Variants in IMP4 observed in about 807,000 individuals in gnomAD.
The protein encoded by IMP4 is IMP U3 small nucleolar ribonucleoprotein 4.
In IMP4, 30 loss-of-function variants were observed where a neutral mutation model predicts 42.7. The ratio of observed to expected loss-of-function variants is 0.70; its 90% confidence interval spans 0.53 to 0.95. IMP4 has a LOEUF of 0.95. IMP4 is among the 40% of genes least tolerant of loss of function. IMP4 has a pLI of 0.00. For missense variants in IMP4, 382 were observed against 411.4 expected (o/e 0.93, Z 0.62); for synonymous variants, 165 against 165.2 (o/e 1.00, Z 0.01).
chr2:130,343,460 A>G (rs1679218601), intron 2 of IMP4: 10 of 637,052 alleles, frequency 1.6e-5, no homozygotes, highest in Non-Finnish European at 3.0e-5. Flanking sequence ...TCCTGTAGAA[A>G]TTCTCTTTAG....
Position 130,346,998 on chromosome 2 carries a change from G to T in IMP4, c.*530G>T. 6.3e-6 allele frequency: 1 copy of T among 158,736 alleles called. No homozygotes were observed. Among genetic ancestry groups the T allele is most frequent in the South Asian group, 1.8e-4 (1 of 5,630 alleles). The allele number at this position is 158,736 out of a possible 1,614,324, so 9.8% of individuals were successfully genotyped here. On this transcript the variant is annotated 3_prime_UTR_variant, in exon 9 of 9. Coordinates refer to ENST00000259239, the MANE Select transcript of IMP4 (RefSeq NM_033416.3). ...ATTTCTATTAACATAATGTTCTCCA[G>T]GTTCCTCCATGTTATTGCAAATGAT...
intron 2 of IMP4, among the ~76,000 whole-genome samples, chr2:130,343,530 G>C (rs778092916): frequency 1.3e-5 from 2 of 151,996 alleles, no homozygotes; most frequent in Non-Finnish European, 2.9e-5. Flanking sequence ...CGGATCATGA[G>C]GTCAGGAGTT....
chr2:130,345,236 C>T lies in IMP4; in HGVS notation c.197-140C>T. 1.5e-6 allele frequency: 1 copy of T among 668,548 alleles called. No individual in the cohort carries two copies. The highest frequency in any genetic ancestry group is 2.7e-6 in the Non-Finnish European group (1 of 368,980). The allele number at this position is 668,548 out of a possible 1,614,324, so 41.4% of individuals were successfully genotyped here. Reference sequence around the variant, plus strand: ...AGCAGCCAGAGTAGTTGGAGGCTGCCCTCTTGCCCGGTGTGCATGTGGAGC... The same window carrying T: ...AGCAGCCAGAGTAGTTGGAGGCTGCTCTCTTGCCCGGTGTGCATGTGGAGC... On this transcript the variant is annotated intron_variant, in intron 3 of 8. Transcript: ENST00000259239. This position sits in a 1 kb window ranked among gnomAD's most constrained non-coding sequence, Gnocchi z 4.9.
intron 7 of IMP4, 34 bp from the exon 8 acceptor site, chr2:130,346,167 T>A: frequency 6.2e-7 from 1 of 1,613,468 alleles, no homozygotes; most frequent in Non-Finnish European, 8.5e-7. Context: ...TACCTCGTGC[T>A]GCTTGCCGTT....
At chr2:130,346,298 G>A in intron 8 of IMP4, 24 bp downstream of exon 8, 1 of 1,613,166 alleles carries the variant, frequency 6.2e-7, no homozygotes, top group Non-Finnish European at 8.5e-7. Context: ...TGAATCCCGT[G>A]TCTGGGGTGG....
chr2:130,343,397 CCCGCTGTGTGCAGTGTGT>C, intron 2 of IMP4: 2 of 713,680 alleles, frequency 2.8e-6, no homozygotes, highest in Non-Finnish European at 2.6e-6. Context: ...TTGCAGCTTG[CCCGCTGTGTGCAGTGTGT>C]CAAGTTCGTC....
rs779404315 is a variant in IMP4 at position 130,346,356 on chromosome 2, T to C, written c.764T>C (p.Leu255Pro). Residue 255 changes from leucine (L) to proline (P), a missense_variant and splice_region_variant, in exon 9 of 9, where the codon CTG becomes CCG. By Grantham distance (98) the Leu-to-Pro change is moderately conservative (BLOSUM62 -3). Coordinates refer to ENST00000259239, the MANE Select transcript of IMP4 (RefSeq NM_033416.3). The part of the protein sequence containing the change: ...TEVGPRFELK[L>P]YMIRLGTLEQ... ...GGGCTGATGCCATCCCTGCCTGCAG[T>C]GTACATGATCCGTCTGGGCACGCTG... is the stretch of plus-strand genomic sequence containing the variant. 4.3e-5 allele frequency: 69 copies of C among 1,594,730 alleles called. No individual in the cohort carries two copies. The highest frequency in any genetic ancestry group is 5.8e-5 in the Non-Finnish European group (68 of 1,170,784).
chr2:130,346,187 C>G lies in IMP4; in HGVS notation c.690-14C>G, dbSNP rs750711350. On this transcript the variant is annotated splice_polypyrimidine_tract_variant and intron_variant, in intron 7 of 8. Coordinates refer to ENST00000259239, the MANE Select transcript of IMP4 (RefSeq NM_033416.3). ...CGTGCTGCTTGCCGTTGACCCACAG[C>G]TGTTCCCTCCCAGGCACCATGTGTA... The G allele has an allele frequency of 1.9e-6, 3 of 1,614,020 alleles. No homozygotes were observed. Among genetic ancestry groups the G allele is most frequent in the Non-Finnish European group, 2.5e-6 (3 of 1,179,856 alleles).
Position 130,346,234 on chromosome 2 carries a change from C to T in IMP4, c.723C>T (p.Asn241=), listed in dbSNP as rs775233576. ...HHVYKKTDHR[N]VELTEVGPRF... Reference sequence around the variant, plus strand: ...TGTATAAGAAGACAGACCACCGCAACGTGGAGCTCACTGAGGTCGGGCCCC... The same window carrying T: ...TGTATAAGAAGACAGACCACCGCAATGTGGAGCTCACTGAGGTCGGGCCCC... The change falls in exon 8 of 9, where the codon AAC becomes AAT. Residue 241 remains asparagine (N), a synonymous_variant. Coordinates refer to ENST00000259239, the MANE Select transcript of IMP4 (RefSeq NM_033416.3). 6.8e-6 allele frequency: 11 copies of T among 1,614,168 alleles called. No individual in the cohort carries two copies. Among genetic ancestry groups the T allele is most frequent in the Middle Eastern group, 1.6e-4 (1 of 6,062 alleles).
At position 130,345,814 on chromosome 2, in the gene IMP4, A is replaced by G. The variant is rs1300065306; in HGVS notation, c.475A>G (p.Thr159Ala). The G allele has an allele frequency of 1.9e-6, 3 of 1,613,902 alleles. No individual in the cohort carries two copies. The highest frequency in any genetic ancestry group is 2.5e-6 in the Non-Finnish European group (3 of 1,180,002). ...LIVSHLPFGP[T>A]AYFTLCNVVM... is the part of the protein sequence containing the mutation. ...CGTCAGCCACCTGCCCTTTGGTCCT[A>G]CTGCCTACTTCACGCTGTGCAATGT... The change falls in exon 6 of 9, where the codon ACT becomes GCT. Residue 159 changes from threonine (T) to alanine (A), a missense_variant. Coordinates refer to ENST00000259239, the MANE Select transcript of IMP4 (RefSeq NM_033416.3). The surrounding 1 kb of genome is among the most constrained non-coding windows in gnomAD (Gnocchi z 4.9).
chr2:130,345,319 G>A lies in IMP4; in HGVS notation c.197-57G>A, dbSNP rs1679441685. On this transcript the variant is annotated intron_variant, in intron 3 of 8. Coordinates refer to ENST00000259239, the MANE Select transcript of IMP4 (RefSeq NM_033416.3). The surrounding 1 kb of genome is among the most constrained non-coding windows in gnomAD (Gnocchi z 4.9). ...ACATCCAGGCGGTCTTGGCTGCCCCGAAGTTAGCATTTCATTCCCAAGACT... is the reference window on the plus strand; with the variant it reads ...ACATCCAGGCGGTCTTGGCTGCCCCAAAGTTAGCATTTCATTCCCAAGACT... The A allele has an allele frequency of 1.8e-5, 26 of 1,413,630 alleles. No individual in the cohort carries two copies. The South Asian group carries it at 2.5e-4, about 14-fold the overall frequency. 87.6% of individuals were successfully genotyped at this position (1,413,630 alleles called of 1,614,324 possible).
intron 2 of IMP4, among the ~76,000 whole-genome samples, chr2:130,344,183 C>T (rs2104887110): frequency 1.3e-5 from 2 of 152,290 alleles, no homozygotes; most frequent in South Asian, 4.1e-4. Context: ...AAAAAATTAG[C>T]CGGGCGCCGT....
rs143301982 is a variant in IMP4 at position 130,347,041 on chromosome 2, A to G, written c.*573A>G. The G allele has an allele frequency of 6.6e-3, 1,035 of 156,546 alleles. 20 individuals are homozygous for G. Among genetic ancestry groups the G allele is most frequent in the Admixed American group, 0.029 (470 of 16,322 alleles). 9.7% of individuals were successfully genotyped at this position (156,546 alleles called of 1,614,324 possible). ...CAAATGATAGGATTTCTTTCCTTGT[A>G]AAAAATAACATGCCACATTTTCTTA... On this transcript the variant is annotated 3_prime_UTR_variant, in exon 9 of 9. Transcript: ENST00000259239.
rs2104904129 is a variant in IMP4, at chr2:130,346,945, C to T, written c.*477C>T. 5.7e-6 allele frequency: 1 copy of T among 176,340 alleles called. No homozygotes were observed. Among genetic ancestry groups the T allele is most frequent in the South Asian group, 1.3e-4 (1 of 7,912 alleles). The allele number at this position is 176,340 out of a possible 1,614,324, so 10.9% of individuals were successfully genotyped here. On this transcript the variant is annotated 3_prime_UTR_variant, in exon 9 of 9. Transcript: ENST00000259239. ...AGCTGATTCCTCATGTAAGTGGCATCATGTGGTATTTGTTTTGTGTCTGGC... is the reference window on the plus strand; with the variant it reads ...AGCTGATTCCTCATGTAAGTGGCATTATGTGGTATTTGTTTTGTGTCTGGC...
chr2:130,345,064 C>T lies in IMP4; in HGVS notation c.197-312C>T, dbSNP rs928592380. ...TCCCAAACATTATAGATATTTGTTA[C>T]GAGGGAAAAGAGTTTGTCACCGTTG... On this transcript the variant is annotated intron_variant, in intron 3 of 8. Transcript: ENST00000259239. This position sits in a 1 kb window ranked among gnomAD's most constrained non-coding sequence, Gnocchi z 4.9. The T allele has an allele frequency of 1.8e-5, 10 of 546,934 alleles. No individual in the cohort carries two copies. Among genetic ancestry groups the T allele is most frequent in the East Asian group, 1.5e-4 (5 of 32,314 alleles). The allele number at this position is 546,934 out of a possible 1,614,324, so 33.9% of individuals were successfully genotyped here.
chr2:130,342,923 G>C lies in IMP4; in HGVS notation c.-10G>C. 1 of 1,613,944 alleles carries C rather than the reference G, an allele frequency of 6.2e-7. No individual in the cohort carries two copies. The highest frequency in any genetic ancestry group is 8.5e-7 in the Non-Finnish European group (1 of 1,179,850). On this transcript the variant is annotated 5_prime_UTR_variant, in exon 1 of 9. Transcript: ENST00000259239. Reference sequence around the variant, plus strand: ...GATTCTCCCGGACCCACGTGGAAGCGGCACTCAAGATGGTAGGAGAATGAG... The same window carrying C: ...GATTCTCCCGGACCCACGTGGAAGCCGCACTCAAGATGGTAGGAGAATGAG...
rs547440763 is a variant in IMP4, at chr2:130,343,109, C to G, written c.27C>G (p.Arg9=). Residue 9 remains arginine (R), a synonymous_variant, in exon 2 of 9, where the codon CGC becomes CGG. Transcript: ENST00000259239. MLRREARL[R]REYLYRKARE... ...AGCTGCGCCGCGAGGCCCGCCTGCGCCGCGAGTACCTGTACCGCAAGGCCC... is the reference window on the plus strand; with the variant it reads ...AGCTGCGCCGCGAGGCCCGCCTGCGGCGCGAGTACCTGTACCGCAAGGCCC... The G allele has an allele frequency of 1.9e-6, 3 of 1,557,158 alleles. No individual in the cohort carries two copies. In the African/African-American group the frequency reaches 4.1e-5, roughly 21 times the overall value.
At chr2:130,343,557 GGT>G (rs1299390883) in intron 2 of IMP4, among the ~76,000 whole-genome samples, 4 of 151,700 alleles carry the variant, frequency 2.6e-5, no homozygotes, top group African/African-American at 9.7e-5. Flanking sequence ...TGACCAACAT[GGT>G]GAAATCTCGT....
At chr2:130,342,985 G>T (rs1227190776) in intron 1 of IMP4, 50 bp downstream of exon 1, 21 of 1,613,804 alleles carry the variant, frequency 1.3e-5, no homozygotes, top group Non-Finnish European at 1.8e-5. Context: ...TGAAGTGCTG[G>T]GGATGTGGCT....
Sources: allele counts gnomAD v4.1 joint callset (sites outside exome capture counted in the v4.1 genomes callset), GRCh38; gene constraint gnomAD v4.1.1; non-coding constraint Gnocchi (gnomAD v3.1); transcripts MANE v1.5; gene names NCBI Gene and HGNC (gene_info 2026-07-23, HGNC 2026-07-21).